PPP2R5C: variants seen among roughly 807,000 people sequenced by gnomAD.
The protein encoded by PPP2R5C is serine/threonine-protein phosphatase 2A 56 kDa regulatory subunit gamma isoform.
PPP2R5C carries 7 observed loss-of-function variants against 68.9 expected under a neutral mutation model. The ratio of observed to expected loss-of-function variants is 0.10; its 90% confidence interval spans 0.06 to 0.19. PPP2R5C has a LOEUF of 0.19. Ranked by LOEUF, PPP2R5C falls within the 10% of genes least tolerant of loss-of-function variation. The pLI is 1.00. For synonymous variants in PPP2R5C, 210 were observed against 222.2 expected, an observed-to-expected ratio of 0.95 and a Z score of 0.49; for missense variants, 348 against 641.3, an observed-to-expected ratio of 0.54 and a Z score of 4.94.
intron 1 of PPP2R5C, among the ~76,000 whole-genome samples, chr14:101,854,540 C>A (rs2042311731): frequency 6.6e-6 from 1 of 152,142 alleles, no homozygotes; most frequent in African/African-American, 2.4e-5. Context: ...GTAGAAGAAA[C>A]CTCAACAGGA....
chr14:101,836,292 G>A (rs1438411660), intron 1 of PPP2R5C: 1 of 702,788 alleles, frequency 1.4e-6, no homozygotes, highest in Non-Finnish European at 2.6e-6. Context: ...GGCCCCCAAA[G>A]CATGGACGGA....
intron 11 of PPP2R5C, among the ~76,000 whole-genome samples, chr14:101,909,976 A>G (rs1412209092): frequency 2.0e-5 from 3 of 152,264 alleles, no homozygotes; most frequent in African/African-American, 7.2e-5. Flanking sequence ...TTCTTGGGCT[A>G]TAATGGGCTT....
chr14:101,883,531 A>G (rs373600166), exon 5 of PPP2R5C: 2 of 1,613,522 alleles, frequency 1.2e-6, no homozygotes, highest in Non-Finnish European at 1.7e-6. Flanking sequence ...GAGAGCTTAC[A>G]TCAGAAAACA....
Position 101,906,794 on chromosome 14 carries a change from C to T in PPP2R5C, c.1151+265C>T. The T allele has an allele frequency of 2.4e-6, 1 of 418,922 alleles. No individual in the cohort carries two copies. Among genetic ancestry groups the T allele is most frequent in the Non-Finnish European group, 4.3e-6 (1 of 234,646 alleles). The allele number at this position is 418,922 out of a possible 1,614,324, so 26.0% of individuals were successfully genotyped here. On this transcript the variant is annotated intron_variant, in intron 10 of 13. Coordinates refer to ENST00000334743, the Ensembl canonical transcript of PPP2R5C. The surrounding 1 kb of genome is among the most constrained non-coding windows in gnomAD (Gnocchi z 4.0). ...GTAGCAGCAGTTTCTAGGCCTCTTCCTGAGCGTCCTGCAGAGAAGCTGAAG... is the reference window on the plus strand; with the variant it reads ...GTAGCAGCAGTTTCTAGGCCTCTTCTTGAGCGTCCTGCAGAGAAGCTGAAG...
intron 2 of PPP2R5C, among the ~76,000 whole-genome samples, chr14:101,772,756 A>T (rs2037218476): frequency 6.6e-6 from 1 of 152,204 alleles, no homozygotes; most frequent in African/African-American, 2.4e-5. Flanking sequence ...AGATTGCGCC[A>T]CTGCACTCCA....
At chr14:101,852,469 CTT>C (rs559509845) in intron 1 of PPP2R5C, among the ~76,000 whole-genome samples, 50 of 115,056 alleles carry the variant, frequency 4.3e-4, no homozygotes, top group Non-Finnish European at 7.8e-4. Flanking sequence ...TTTTCTTTTT[CTT>C]TTTTTTTTTT....
chr14:101,856,971 C>G, intron 2 of PPP2R5C, 86 bp downstream of exon 4: 1 of 1,284,860 alleles, frequency 7.8e-7, no homozygotes, highest in Non-Finnish European at 1.1e-6. Context: ...CACAGTGCTA[C>G]CCAGGAGAAG....
At position 101,917,984 on chromosome 14, in the gene PPP2R5C, T is replaced by C. The variant is rs2046781121; in HGVS notation, c.1443+37T>C. 9.9e-6 allele frequency: 16 copies of C among 1,612,832 alleles called. No individual in the cohort carries two copies. The highest frequency in any genetic ancestry group is 1.4e-5 in the Non-Finnish European group (16 of 1,179,172). On this transcript the variant is annotated intron_variant, in intron 13 of 13. Coordinates refer to ENST00000334743, the Ensembl canonical transcript of PPP2R5C. The surrounding 1 kb of genome is among the most constrained non-coding windows in gnomAD (Gnocchi z 4.4). ...CCGAGCTCAGCTGGGCACCCATGAC[T>C]GATTTGCTTAAGAAATGCACATTTT...
At chr14:101,870,998 G>A (rs542418045) in intron 2 of PPP2R5C, among the ~76,000 whole-genome samples, 2 of 152,158 alleles carry the variant, frequency 1.3e-5, no homozygotes, top group African/African-American at 4.8e-5. Context: ...CCCTCTTGGT[G>A]AATTAACTCT....
rs547900787 is a variant in PPP2R5C at position 101,859,698 on chromosome 14, G to A, written c.294+2813G>A. Among the ~76,000 whole-genome samples, 5 of 152,248 alleles carry A rather than the reference G, an allele frequency of 3.3e-5. No homozygotes were observed. The East Asian group carries it at 7.7e-4, about 24-fold the overall frequency. On this transcript the variant is annotated intron_variant, in intron 2 of 13. Coordinates refer to ENST00000334743, the Ensembl canonical transcript of PPP2R5C. ...CAAGAATTTAAGCAACCAGTACAAGGCCTCTGTCCCAAGCAGTGCCTGGGC... is the reference window on the plus strand; with the variant it reads ...CAAGAATTTAAGCAACCAGTACAAGACCTCTGTCCCAAGCAGTGCCTGGGC...
chr14:101,873,044 A>C (rs1289201928), intron 2 of PPP2R5C, among the ~76,000 whole-genome samples: 3 of 150,114 alleles, frequency 2.0e-5, no homozygotes, highest in Non-Finnish European at 4.4e-5. Flanking sequence ...CATTTCACAC[A>C]TTTTTTTTAA....
chr14:101,786,578 C>A (rs1230251825), intron 3 of PPP2R5C, among the ~76,000 whole-genome samples: 1 of 152,056 alleles, frequency 6.6e-6, no homozygotes, highest in African/African-American at 2.4e-5. Context: ...AGTAGAAGTT[C>A]CCTATGTTTC....
At chr14:101,837,369 A>G (rs1413092686) in intron 1 of PPP2R5C, among the ~76,000 whole-genome samples, 3 of 151,544 alleles carry the variant, frequency 2.0e-5, no homozygotes, top group Admixed American at 2.0e-4. Flanking sequence ...CTAGTCCTCA[A>G]CTCCCGATCT....
chr14:101,821,993 A>G (rs1004854894), intron 1 of PPP2R5C, among the ~76,000 whole-genome samples: 2 of 152,066 alleles, frequency 1.3e-5, no homozygotes, highest in African/African-American at 4.8e-5. Context: ...TTTAGAGAAC[A>G]TCATTGACGC....
At chr14:101,851,443 A>C (rs1377923996) in intron 1 of PPP2R5C, among the ~76,000 whole-genome samples, 2 of 152,170 alleles carry the variant, frequency 1.3e-5, no homozygotes, top group African/African-American at 4.8e-5. Context: ...GTTAAAAAAA[A>C]TAAAAACGTG....
At chr14:101,765,301 T>A in intron 2 of PPP2R5C, 1 of 701,550 alleles carries the variant, frequency 1.4e-6, no homozygotes. Flanking sequence ...TGTAAATTGT[T>A]TTTCAGGAAT....
Position 101,894,490 on chromosome 14 carries a change from C to G in PPP2R5C, c.799-17C>G. On this transcript the variant is annotated splice_polypyrimidine_tract_variant and intron_variant, in intron 7 of 13. Coordinates refer to ENST00000334743, the Ensembl canonical transcript of PPP2R5C. ...TTATGTTGAAATGTTAATGCTCTTT[C>G]TCCTTTTACTTTTTAGCTGGCATAC... 1 of 1,611,910 alleles carries G rather than the reference C, an allele frequency of 6.2e-7. No homozygotes were observed. The highest frequency in any genetic ancestry group is 1.7e-5 in the Admixed American group (1 of 59,976).
chr14:101,916,500 G>A lies in PPP2R5C; in HGVS notation c.1327-1331G>A, dbSNP rs1478525775. Among the ~76,000 whole-genome samples, 1 of 152,222 alleles carries A rather than the reference G, an allele frequency of 6.6e-6. No homozygotes were observed. The highest frequency in any genetic ancestry group is 2.4e-5 in the African/African-American group (1 of 41,442). ...GAGGCTGGGGTCACAGAGACCGAGG[G>A]AGGGTGCAGGTTCAGGGCTGAATGA... On this transcript the variant is annotated intron_variant, in intron 12 of 13. Coordinates refer to ENST00000334743, the Ensembl canonical transcript of PPP2R5C. This position sits in a 1 kb window ranked among gnomAD's most constrained non-coding sequence, Gnocchi z 5.5.
chr14:101,763,327 C>G (rs1442360215), intron 2 of PPP2R5C, among the ~76,000 whole-genome samples: 1 of 151,548 alleles, frequency 6.6e-6, no homozygotes, highest in Non-Finnish European at 1.5e-5. Context: ...CTCAAGTGAT[C>G]CTCTTACCTC....
Sources: gnomAD v4.1 joint callset for allele counts (sites outside exome capture counted in the v4.1 genomes callset) on GRCh38, gnomAD v4.1.1 for gene constraint, Gnocchi (gnomAD v3.1) non-coding constraint, MANE v1.5 for transcripts, NCBI Gene and HGNC (gene_info 2026-07-23, HGNC 2026-07-21) for gene names.